The following CIRSR variants were observed in gnomAD, a reference collection of about 807,000 sequenced individuals.
The protein encoded by CIRSR is CBF1 (RBPJ) interacting corepressor 1.
the CIRSR span, chr2:174,351,870 T>A: frequency 2.0e-6 from 1 of 511,852 alleles, no homozygotes; most frequent in South Asian, 3.6e-5. Context: ...AATAATCAGA[T>A]ATGATTTTCT....
chr2:174,371,895 T>A, the CIRSR span, among the ~76,000 whole-genome samples: 1 of 152,194 alleles, frequency 6.6e-6, no homozygotes, highest in African/African-American at 2.4e-5. Flanking sequence ...AATTGCCTTA[T>A]TGCAAAAATA....
the CIRSR span, among the ~76,000 whole-genome samples, chr2:174,355,319 ATTGT>A: frequency 6.6e-6 from 1 of 152,342 alleles, no homozygotes; most frequent in East Asian, 1.9e-4. Context: ...GATCTTAAAA[ATTGT>A]TTGGCTTATT....
At chr2:174,356,512 G>C in the CIRSR span, among the ~76,000 whole-genome samples, 1 of 77,680 alleles carries the variant, frequency 1.3e-5, no homozygotes, top group Non-Finnish European at 3.0e-5. Flanking sequence ...AGAAGGGAAG[G>C]AAGAAAGAAA....
chr2:174,350,845 C>T, the CIRSR span: 2 of 840,544 alleles, frequency 2.4e-6, no homozygotes, highest in Non-Finnish European at 3.6e-6. Context: ...ATCAGGGACA[C>T]ACTGTAGATG....
the CIRSR span, among the ~76,000 whole-genome samples, chr2:174,367,445 TG>T: frequency 6.6e-6 from 1 of 151,664 alleles, no homozygotes; most frequent in Non-Finnish European, 1.5e-5. Context: ...CCGGGTGTGG[TG>T]GGGGGCGCCT....
chr2:174,380,247 A>G, the CIRSR span: 3 of 1,595,042 alleles, frequency 1.9e-6, no homozygotes, highest in Admixed American at 1.7e-5. Context: ...CATCTTTGGC[A>G]TATCTATTAA....
the CIRSR span, among the ~76,000 whole-genome samples, chr2:174,359,764 T>C: frequency 1.3e-5 from 2 of 152,198 alleles, no homozygotes; most frequent in Non-Finnish European, 1.5e-5. Flanking sequence ...TGCACACTTA[T>C]GTTTACTGCA....
chr2:174,353,463 G>A, the CIRSR span, among the ~76,000 whole-genome samples: 4 of 152,074 alleles, frequency 2.6e-5, no homozygotes, highest in African/African-American at 9.7e-5. Flanking sequence ...ATACAATTAA[G>A]AGCTTTTTGT....
chr2:174,351,772 C>T, the CIRSR span: 1 of 1,493,660 alleles, frequency 6.7e-7, no homozygotes, highest in Non-Finnish European at 9.2e-7. Context: ...TATCTCTCTA[C>T]CTTTTTCGGA....
the CIRSR span, among the ~76,000 whole-genome samples, chr2:174,355,597 C>T: frequency 2.0e-5 from 3 of 152,098 alleles, no homozygotes; most frequent in Non-Finnish European, 2.9e-5. Context: ...TAGACCCAGG[C>T]TCTACTAGAA....
chr2:174,368,007 C>T, the CIRSR span, among the ~76,000 whole-genome samples: 1 of 152,066 alleles, frequency 6.6e-6, no homozygotes. Context: ...ATAAAGGGGT[C>T]AATTACCCAG....
At chr2:174,390,732 G>A in the CIRSR span, among the ~76,000 whole-genome samples, 2 of 152,126 alleles carry the variant, frequency 1.3e-5, no homozygotes, top group South Asian at 2.1e-4. Flanking sequence ...GAATAAAAGG[G>A]GCTGTTACCT....
the CIRSR span, among the ~76,000 whole-genome samples, chr2:174,362,230 C>T: frequency 6.6e-6 from 1 of 152,066 alleles, no homozygotes; most frequent in South Asian, 2.1e-4. Context: ...TGCTTGAGCC[C>T]AGGAGGTCGA....
chr2:174,380,628 C>G, the CIRSR span: 18 of 1,599,814 alleles, frequency 1.1e-5, no homozygotes, highest in African/African-American at 2.3e-4. Context: ...CATATCTTGT[C>G]TTAAAAGTAA....
At chr2:174,377,865 A>T in the CIRSR span, among the ~76,000 whole-genome samples, 9 of 151,388 alleles carry the variant, frequency 5.9e-5, no homozygotes, top group South Asian at 1.9e-3. Flanking sequence ...TATTCATCAA[A>T]TTCCTAAACC....
the CIRSR span, among the ~76,000 whole-genome samples, chr2:174,386,293 T>C: frequency 6.7e-3 from 1,013 of 152,278 alleles, 11 homozygotes; most frequent in African/African-American, 0.023. Context: ...GCAATTCTCC[T>C]GCCTCAGCCT....
At chr2:174,380,152 C>A in the CIRSR span, 5 of 1,274,180 alleles carry the variant, frequency 3.9e-6, no homozygotes, top group African/African-American at 3.0e-5. Context: ...TATAAAGATA[C>A]ATTTATTAAA....
At chr2:174,378,826 A>T in the CIRSR span, 1 of 926,492 alleles carries the variant, frequency 1.1e-6, no homozygotes, top group South Asian at 1.3e-5. Flanking sequence ...CCCACACACA[A>T]ACCCAAATAA....
the CIRSR span, chr2:174,348,635 TTTCC>T: frequency 1.9e-6 from 3 of 1,614,228 alleles, no homozygotes; most frequent in Non-Finnish European, 2.5e-6. Context: ...GCTGTGCCCG[TTTCC>T]TTGTCTCCCT....
Sources: allele counts gnomAD v4.1 joint callset (sites outside exome capture counted in the v4.1 genomes callset), GRCh38; gene constraint gnomAD v4.1.1; transcripts MANE v1.5; gene names NCBI Gene and HGNC (gene_info 2026-07-23, HGNC 2026-07-21).